The following KCTD8 variants were observed in gnomAD, a reference collection of about 807,000 sequenced individuals.
The protein encoded by KCTD8 is BTB/POZ domain-containing protein KCTD8.
A neutral mutation model predicts 31.5 loss-of-function variants in KCTD8; 27 were observed. That is an observed-to-expected ratio of 0.86 (90% confidence interval 0.63 to 1.18). The LOEUF is 1.18. Ranked by LOEUF, KCTD8 falls within the 50% of genes most tolerant of loss-of-function variation. The pLI, the probability that KCTD8 is intolerant of heterozygous loss-of-function variation, is 0.00. For missense variants in KCTD8, 658 were observed against 647.7 expected (o/e 1.02, Z -0.17); for synonymous variants, 290 against 280.0 (o/e 1.04, Z -0.36).
chr4:44,414,537 C>A (rs1338541129), intron 1 of KCTD8, among the ~76,000 whole-genome samples: 1 of 152,062 alleles, frequency 6.6e-6, no homozygotes, highest in South Asian at 2.1e-4. Flanking sequence ...CAAGATGCAC[C>A]CTGACAAAAA....
At chr4:44,298,868 C>A (rs1308352007) in intron 1 of KCTD8, among the ~76,000 whole-genome samples, 1 of 151,996 alleles carries the variant, frequency 6.6e-6, no homozygotes, top group African/African-American at 2.4e-5. Context: ...AATAAAGTAA[C>A]AAATGAACAG....
chr4:44,348,993 T>C (rs1333098524), intron 1 of KCTD8, among the ~76,000 whole-genome samples: 1 of 152,100 alleles, frequency 6.6e-6, no homozygotes. Context: ...ATTTATAAGG[T>C]GTATTTGTAG....
chr4:44,362,694 CT>C (rs1719529644), intron 1 of KCTD8, among the ~76,000 whole-genome samples: 2 of 151,540 alleles, frequency 1.3e-5, no homozygotes, highest in Admixed American at 1.3e-4. Context: ...AGAGAATTTA[CT>C]CAGCTTCTTT....
intron 1 of KCTD8, among the ~76,000 whole-genome samples, chr4:44,344,834 C>T (rs969425201): frequency 2.0e-5 from 3 of 152,104 alleles, no homozygotes; most frequent in African/African-American, 7.2e-5. Context: ...TGCTATGGGC[C>T]ACCATTTGAG....
At chr4:44,342,866 A>G (rs551625036) in intron 1 of KCTD8, among the ~76,000 whole-genome samples, 1 of 152,312 alleles carries the variant, frequency 6.6e-6, no homozygotes, top group Admixed American at 6.5e-5. Context: ...GCTCACTTCT[A>G]ACTTTTCTTC....
chr4:44,448,229 T>G lies in KCTD8; in HGVS notation c.295A>C (p.Ile99Leu). The change falls in exon 1 of 2, where the codon ATC becomes CTC. Residue 99 changes from isoleucine (I) to leucine (L), a missense_variant. Physicochemically the swap from Ile to Leu is conservative, Grantham distance 5. Transcript: ENST00000360029. The surrounding 1 kb of genome is among the most constrained non-coding windows in gnomAD (Gnocchi z 4.1). ...LPRDSRARFF[I>L]DRDGFLFRYV... ...CTGAAAAGGAAGCCGTCCCGGTCGA[T>G]GAAGAAGCGCGCCCGGCTGTCCCTG... is the stretch of plus-strand genomic sequence containing the variant. 1 of 1,611,692 alleles carries G rather than the reference T, an allele frequency of 6.2e-7. No individual in the cohort carries two copies. Among genetic ancestry groups the G allele is most frequent in the Non-Finnish European group, 8.5e-7 (1 of 1,179,432 alleles).
At chr4:44,191,685 A>T (rs913363704) in intron 1 of KCTD8, among the ~76,000 whole-genome samples, 1 of 152,000 alleles carries the variant, frequency 6.6e-6, no homozygotes, top group South Asian at 2.1e-4. Context: ...GTGGGGAAAA[A>T]ATCCCGCCCT....
intron 1 of KCTD8, among the ~76,000 whole-genome samples, chr4:44,337,229 T>C (rs1718773023): frequency 6.6e-6 from 1 of 152,158 alleles, no homozygotes; most frequent in Non-Finnish European, 1.5e-5. Context: ...GGTAGGAGTA[T>C]AAATTAGTTC....
intron 1 of KCTD8, among the ~76,000 whole-genome samples, chr4:44,273,706 G>C (rs1436985186): frequency 6.6e-6 from 1 of 151,856 alleles, no homozygotes; most frequent in African/African-American, 2.4e-5. Context: ...AAATAACATT[G>C]TTAAAAACAA....
chr4:44,341,131 T>A (rs1241596802), intron 1 of KCTD8, among the ~76,000 whole-genome samples: 1 of 152,212 alleles, frequency 6.6e-6, no homozygotes, highest in Non-Finnish European at 1.5e-5. Flanking sequence ...TTATTATTTA[T>A]ACTGTACTAC....
chr4:44,336,766 T>A (rs969585340), intron 1 of KCTD8, among the ~76,000 whole-genome samples: 1 of 151,978 alleles, frequency 6.6e-6, no homozygotes, highest in Non-Finnish European at 1.5e-5. Flanking sequence ...TCCTGAATAA[T>A]AAACAATAAA....
chr4:44,432,137 G>T (rs995365140), intron 1 of KCTD8, among the ~76,000 whole-genome samples: 2 of 150,864 alleles, frequency 1.3e-5, no homozygotes, highest in African/African-American at 4.9e-5. Flanking sequence ...CTACTATATA[G>T]AAATAGATAT....
At chr4:44,445,840 A>G (rs1160147237) in intron 1 of KCTD8, among the ~76,000 whole-genome samples, 1 of 152,204 alleles carries the variant, frequency 6.6e-6, no homozygotes, top group African/African-American at 2.4e-5. Context: ...TTAAAATCTA[A>G]AAAGTTGTTG....
intron 1 of KCTD8, among the ~76,000 whole-genome samples, chr4:44,264,688 C>T (rs1374934559): frequency 6.6e-6 from 1 of 152,204 alleles, no homozygotes; most frequent in Non-Finnish European, 1.5e-5. Context: ...CCCCCGAATA[C>T]TGCTCTTTTC....
chr4:44,444,116 T>C (rs569013447), intron 1 of KCTD8, among the ~76,000 whole-genome samples: 1 of 152,278 alleles, frequency 6.6e-6, no homozygotes, highest in African/African-American at 2.4e-5. Flanking sequence ...AAAGCTGATA[T>C]TAAAGTTTAA....
At chr4:44,326,213 T>C (rs1718440819) in intron 1 of KCTD8, among the ~76,000 whole-genome samples, 1 of 151,900 alleles carries the variant, frequency 6.6e-6, no homozygotes, top group African/African-American at 2.4e-5. Context: ...CCTATTTTTT[T>C]CAACTTATAT....
At chr4:44,428,673 A>G (rs1721403202) in intron 1 of KCTD8, among the ~76,000 whole-genome samples, 1 of 151,814 alleles carries the variant, frequency 6.6e-6, no homozygotes, top group Non-Finnish European at 1.5e-5. Context: ...ATACTTCTAA[A>G]CTAGAAAACA....
Position 44,251,133 on chromosome 4 carries a change from A to G in KCTD8, c.962-75883T>C, listed in dbSNP as rs146328562. Among the ~76,000 whole-genome samples, 96 of 151,826 alleles carry G rather than the reference A, an allele frequency of 6.3e-4. No individual in the cohort carries two copies. The East Asian group carries it at 0.016, about 25-fold the overall frequency. ...TATTATAATGCCACTTGCAACACTT[A>G]CTAGTCTTCCTACAGAGAGTTATTT... On this transcript the variant is annotated intron_variant, in intron 1 of 1. Coordinates refer to ENST00000360029, the MANE Select transcript of KCTD8 (RefSeq NM_198353.3).
chr4:44,238,165 T>C (rs1715345301), intron 1 of KCTD8, among the ~76,000 whole-genome samples: 1 of 152,086 alleles, frequency 6.6e-6, no homozygotes, highest in African/African-American at 2.4e-5. Flanking sequence ...GACCTTTGTA[T>C]GTGCTGTTCC....
Sources: allele counts gnomAD v4.1 joint callset (sites outside exome capture counted in the v4.1 genomes callset), GRCh38; gene constraint gnomAD v4.1.1; non-coding constraint Gnocchi (gnomAD v3.1); transcripts MANE v1.5; gene names NCBI Gene and HGNC (gene_info 2026-07-23, HGNC 2026-07-21).